RSRC1: variants seen among roughly 807,000 people sequenced by gnomAD.
RSRC1 encodes serine/Arginine-related protein 53.
A neutral mutation model predicts 49.1 loss-of-function variants in RSRC1; 39 were observed. The observed-to-expected ratio is 0.79, with a 90% confidence interval of 0.61 to 1.04. The LOEUF (loss-of-function observed/expected upper bound fraction) is 1.04. Ranked by LOEUF, RSRC1 falls within the 50% of genes least tolerant of loss-of-function variation. The probability of loss-of-function intolerance (pLI) is 0.00; values close to 1 mark genes in which losing one functional copy is unlikely to be tolerated. For synonymous variants in RSRC1, 143 were observed against 130.8 expected, an observed-to-expected ratio of 1.09 and a Z score of -0.63; for missense variants, 388 against 402.4, an observed-to-expected ratio of 0.96 and a Z score of 0.31.
At chr3:158,446,635 G>A (rs1736736879) in intron 6 of RSRC1, among the ~76,000 whole-genome samples, 1 of 151,906 alleles carries the variant, frequency 6.6e-6, no homozygotes, top group Non-Finnish European at 1.5e-5. Context: ...CAACTTGTTT[G>A]TATTCAGTTG....
intron 6 of RSRC1, among the ~76,000 whole-genome samples, chr3:158,456,654 T>C (rs960619803): frequency 4.6e-5 from 7 of 152,178 alleles, no homozygotes; most frequent in African/African-American, 1.7e-4. Context: ...GAGAGTGATA[T>C]TTGAAGTAAA....
chr3:158,347,440 A>G (rs1027739656), intron 5 of RSRC1, among the ~76,000 whole-genome samples: 1 of 152,302 alleles, frequency 6.6e-6, no homozygotes, highest in African/African-American at 2.4e-5. Context: ...CTCTCTTACA[A>G]GTAGGTTAAA....
chr3:158,493,524 A>G (rs963934596), intron 7 of RSRC1, among the ~76,000 whole-genome samples: 1 of 152,120 alleles, frequency 6.6e-6, no homozygotes, highest in African/African-American at 2.4e-5. Flanking sequence ...GAGAAAATAG[A>G]TTTTTTGATG....
At chr3:158,269,552 C>T (rs1725388718) in intron 4 of RSRC1, among the ~76,000 whole-genome samples, 2 of 151,884 alleles carry the variant, frequency 1.3e-5, no homozygotes, top group Admixed American at 6.6e-5. Flanking sequence ...CTTGCTCTAT[C>T]ACCAGGCTGA....
At chr3:158,282,469 T>A (rs1578283255) in intron 4 of RSRC1, among the ~76,000 whole-genome samples, 2 of 152,364 alleles carry the variant, frequency 1.3e-5, no homozygotes, top group South Asian at 4.1e-4. Context: ...GATGTTAATG[T>A]ATTGAACAAT....
At chr3:158,405,020 T>G (rs1318244112) in intron 6 of RSRC1, among the ~76,000 whole-genome samples, 1 of 152,004 alleles carries the variant, frequency 6.6e-6, no homozygotes, top group Admixed American at 6.6e-5. Context: ...AAGGAAAAAA[T>G]GTAAATGTTT....
intron 7 of RSRC1, among the ~76,000 whole-genome samples, chr3:158,517,415 C>T (rs917190296): frequency 3.9e-5 from 6 of 152,064 alleles, no homozygotes; most frequent in Admixed American, 6.6e-5. Context: ...TAGCTAGTAT[C>T]GTCATCCTGT....
chr3:158,512,435 C>T (rs370898035), intron 7 of RSRC1, among the ~76,000 whole-genome samples: 3,790 of 150,558 alleles, frequency 0.025, 74 homozygotes, highest in East Asian at 0.095. Flanking sequence ...AGATATGCGG[C>T]GTTATTTCTG....
chr3:158,312,484 G>A (rs1374584401), intron 5 of RSRC1, among the ~76,000 whole-genome samples: 13 of 152,072 alleles, frequency 8.5e-5, no homozygotes. Flanking sequence ...AGAAGAAGCA[G>A]GTGCCAAATA....
intron 5 of RSRC1, among the ~76,000 whole-genome samples, chr3:158,352,882 C>T (rs1445337599): frequency 1.3e-5 from 2 of 152,104 alleles, no homozygotes; most frequent in African/African-American, 4.8e-5. Flanking sequence ...TAAATGTTTG[C>T]ATTAATGGCT....
chr3:158,308,202 C>T (rs1727943078), intron 5 of RSRC1, among the ~76,000 whole-genome samples: 1 of 151,884 alleles, frequency 6.6e-6, no homozygotes, highest in Non-Finnish European at 1.5e-5. Flanking sequence ...TTTTCTTTGG[C>T]ATCATCATAA....
chr3:158,167,179 C>G (rs993265287), intron 3 of RSRC1, among the ~76,000 whole-genome samples: 3 of 151,808 alleles, frequency 2.0e-5, no homozygotes, highest in Admixed American at 2.0e-4. Context: ...ATTTTCTTCT[C>G]TCTCTCTTTT....
At chr3:158,484,108 G>A (rs537782840) in intron 7 of RSRC1, among the ~76,000 whole-genome samples, 1 of 152,188 alleles carries the variant, frequency 6.6e-6, no homozygotes, top group Non-Finnish European at 1.5e-5. Context: ...TGAAAAGGCA[G>A]GGGTGATTAA....
rs115859762 is a variant in RSRC1 at position 158,440,046 on chromosome 3, A to G, written c.584-20889A>G. ...TGCTTAAAATCTGGATGATGGGTTG[A>G]TAGGTGCAGCAAACTACCATGGCAC... On this transcript the variant is annotated intron_variant, in intron 6 of 9. Coordinates refer to ENST00000611884, the MANE Select transcript of RSRC1 (RefSeq NM_001271838.2). 5.2e-3 allele frequency among the ~76,000 whole-genome samples: 785 copies of G among 152,112 alleles called. 5 individuals carry two copies. Among genetic ancestry groups the G allele is most frequent in the African/African-American group, 0.018 (747 of 41,486 alleles).
chr3:158,380,348 T>G (rs1490896261), intron 6 of RSRC1, among the ~76,000 whole-genome samples: 2 of 152,170 alleles, frequency 1.3e-5, no homozygotes, highest in Non-Finnish European at 2.9e-5. Flanking sequence ...TAGTCCCAGC[T>G]ACTCAGGAAG....
intron 7 of RSRC1, among the ~76,000 whole-genome samples, chr3:158,503,980 C>G (rs779281177): frequency 2.0e-5 from 3 of 152,172 alleles, no homozygotes; most frequent in Non-Finnish European, 4.4e-5. Flanking sequence ...CCTCTAGACA[C>G]CGTCCTGGTG....
intron 4 of RSRC1, among the ~76,000 whole-genome samples, chr3:158,297,779 T>C (rs1162280174): frequency 1.3e-5 from 2 of 151,980 alleles, no homozygotes; most frequent in Admixed American, 6.6e-5. Context: ...AATAAAATGA[T>C]GTTTGTGAGT....
intron 7 of RSRC1, among the ~76,000 whole-genome samples, chr3:158,477,824 A>G (rs1244035384): frequency 1.4e-5 from 2 of 138,074 alleles, no homozygotes; most frequent in Admixed American, 1.5e-4. Context: ...ATATATATAT[A>G]TATGAAAGCC....
At chr3:158,163,995 C>CTA (rs1193653711) in intron 3 of RSRC1, among the ~76,000 whole-genome samples, 1 of 152,074 alleles carries the variant, frequency 6.6e-6, no homozygotes, top group African/African-American at 2.4e-5. Flanking sequence ...GAATCTGTCT[C>CTA]TATAATCAGA....
Sources: allele counts gnomAD v4.1 joint callset (sites outside exome capture counted in the v4.1 genomes callset), GRCh38; gene constraint gnomAD v4.1.1; transcripts MANE v1.5; gene names NCBI Gene and HGNC (gene_info 2026-07-23, HGNC 2026-07-21).